ATP8A2: variants seen among roughly 807,000 people sequenced by gnomAD.
ATP8A2 encodes ATPase phospholipid transporting 8A2.
A neutral mutation model predicts 165.6 loss-of-function variants in ATP8A2; 100 were observed. That is an observed-to-expected ratio of 0.60 (90% CI 0.51 to 0.71). The LOEUF (loss-of-function observed/expected upper bound fraction) is 0.71. Ranked by LOEUF, ATP8A2 falls within the 30% of genes least tolerant of loss-of-function variation. The probability of loss-of-function intolerance (pLI) is 0.00; values close to 1 mark genes in which losing one functional copy is unlikely to be tolerated. For missense variants in ATP8A2, 1,227 were observed against 1,479.5 expected (o/e 0.83, Z 2.80); for synonymous variants, 543 against 548.8 (o/e 0.99, Z 0.15).
At chr13:25,961,785 C>A (rs1249521446) in intron 34 of ATP8A2, 122 bp downstream of exon 34, 3 of 756,650 alleles carry the variant, frequency 4.0e-6, no homozygotes, top group East Asian at 5.3e-5. Context: ...GGGTCTCCTG[C>A]CACCTGCCAG....
intron 25 of ATP8A2, among the ~76,000 whole-genome samples, chr13:25,759,637 G>A (rs1457458418): frequency 6.6e-6 from 1 of 152,134 alleles, no homozygotes; most frequent in African/African-American, 2.4e-5. Flanking sequence ...AAACATTAAG[G>A]TATTTAGATG....
intron 31 of ATP8A2, 140 bp from the exon 32 acceptor site, chr13:25,860,664 G>C (rs1952321506): frequency 1.5e-6 from 1 of 658,766 alleles, no homozygotes; most frequent in African/African-American, 1.8e-5. Context: ...TAGAGAATTA[G>C]CTACTGACAT....
At chr13:25,383,489 A>G (rs559427313) in intron 1 of ATP8A2, among the ~76,000 whole-genome samples, 1 of 152,234 alleles carries the variant, frequency 6.6e-6, no homozygotes, top group South Asian at 2.1e-4. Context: ...AAAATCAGAA[A>G]CATGTTTTCC....
At chr13:25,736,997 C>T (rs1446868488) in intron 25 of ATP8A2, among the ~76,000 whole-genome samples, 2 of 152,108 alleles carry the variant, frequency 1.3e-5, no homozygotes, top group Non-Finnish European at 2.9e-5. Context: ...ACAGACATAA[C>T]CTGAGTGCAG....
intron 24 of ATP8A2, among the ~76,000 whole-genome samples, chr13:25,644,514 A>G (rs1170923768): frequency 2.4e-5 from 1 of 40,878 alleles, no homozygotes. Flanking sequence ...ATTGGCTTGC[A>G]GTATTTTTTT....
At chr13:25,386,114 C>G (rs2033034051) in intron 1 of ATP8A2, among the ~76,000 whole-genome samples, 1 of 152,024 alleles carries the variant, frequency 6.6e-6, no homozygotes, top group Non-Finnish European at 1.5e-5. Context: ...TGGGGTTTCA[C>G]CATGTTGGCC....
intron 24 of ATP8A2, among the ~76,000 whole-genome samples, chr13:25,674,109 C>G (rs900977380): frequency 6.6e-6 from 1 of 152,118 alleles, no homozygotes; most frequent in Non-Finnish European, 1.5e-5. Context: ...GTGTTAGTGT[C>G]TTTAGTTAAA....
chr13:25,693,879 G>T (rs371780096), intron 24 of ATP8A2, among the ~76,000 whole-genome samples: 3 of 151,514 alleles, frequency 2.0e-5, no homozygotes, highest in East Asian at 2.0e-4. Flanking sequence ...TGTTGTTGTT[G>T]TCTGGAGATG....
Position 25,730,161 on chromosome 13 carries a change from T to C in ATP8A2, c.2384+30816T>C, listed in dbSNP as rs2043589068. On this transcript the variant is annotated intron_variant, in intron 25 of 36. Transcript: ENST00000381655. ...AAAAAATTAACCAGGCATGGTGCCG[T>C]GTGCCTGTGGTTCCAGCTACTCTGG... 2.6e-5 allele frequency among the ~76,000 whole-genome samples: 4 copies of C among 152,082 alleles called. No individual in the cohort carries two copies. In the South Asian group the frequency reaches 6.2e-4, roughly 24 times the overall value.
chr13:25,627,236 G>A (rs776147907), intron 24 of ATP8A2, among the ~76,000 whole-genome samples: 4 of 152,150 alleles, frequency 2.6e-5, no homozygotes, highest in Non-Finnish European at 5.9e-5. Flanking sequence ...AGGAGGTGGT[G>A]TGGCAGAGCC....
At chr13:25,477,025 T>C (rs943683831) in intron 2 of ATP8A2, among the ~76,000 whole-genome samples, 1 of 152,226 alleles carries the variant, frequency 6.6e-6, no homozygotes, top group African/African-American at 2.4e-5. Flanking sequence ...GTGAGCTTTC[T>C]TGAAGAGTAT....
chr13:25,401,017 T>C (rs17082215), intron 1 of ATP8A2, among the ~76,000 whole-genome samples: 4,652 of 152,296 alleles, frequency 0.031, 267 homozygotes, highest in East Asian at 0.28. Context: ...TTACCAAGTC[T>C]TGGGGAATCA....
chr13:25,649,929 C>G (rs77098133), intron 24 of ATP8A2, among the ~76,000 whole-genome samples: 1 of 152,160 alleles, frequency 6.6e-6, no homozygotes, highest in Non-Finnish European at 1.5e-5. Context: ...GATCTGTACA[C>G]TCATTGCTTT....
At chr13:25,895,124 A>G (rs1286863852) in intron 33 of ATP8A2, among the ~76,000 whole-genome samples, 1 of 152,174 alleles carries the variant, frequency 6.6e-6, no homozygotes, top group African/African-American at 2.4e-5. Context: ...TTTTTCAAAA[A>G]GAATGCTTCC....
At chr13:25,389,360 A>G (rs1279971112) in intron 1 of ATP8A2, among the ~76,000 whole-genome samples, 1 of 152,208 alleles carries the variant, frequency 6.6e-6, no homozygotes, top group African/African-American at 2.4e-5. Flanking sequence ...TCAGCCAAGG[A>G]AATAAGACAA....
chr13:25,499,175 G>A (rs1445977128), intron 2 of ATP8A2, among the ~76,000 whole-genome samples: 1 of 152,188 alleles, frequency 6.6e-6, no homozygotes, highest in Non-Finnish European at 1.5e-5. Flanking sequence ...TATGGGCCCA[G>A]ACCCTAGTGT....
intron 2 of ATP8A2, among the ~76,000 whole-genome samples, chr13:25,513,456 C>A (rs890079618): frequency 6.7e-6 from 1 of 150,264 alleles, no homozygotes; most frequent in East Asian, 2.0e-4. Flanking sequence ...CGGGAAGAGG[C>A]GCTCCTCACT....
intron 24 of ATP8A2, among the ~76,000 whole-genome samples, chr13:25,606,563 T>G (rs747667545): frequency 1.3e-5 from 2 of 152,216 alleles, no homozygotes; most frequent in Non-Finnish European, 2.9e-5. Context: ...ATTTAAATTA[T>G]AAGCCTACTG....
At chr13:25,979,373 A>C (rs1251351625) in intron 35 of ATP8A2, among the ~76,000 whole-genome samples, 4 of 152,240 alleles carry the variant, frequency 2.6e-5, no homozygotes, top group Non-Finnish European at 4.4e-5. Context: ...GGTGTATCTA[A>C]GAGTAAATTC....
Sources: allele counts gnomAD v4.1 joint callset (sites outside exome capture counted in the v4.1 genomes callset), GRCh38; gene constraint gnomAD v4.1.1; transcripts MANE v1.5; gene names NCBI Gene and HGNC (gene_info 2026-07-23, HGNC 2026-07-21).